GLI3: variants seen among roughly 807,000 people sequenced by gnomAD.
GLI3 encodes transcription activator GLI3.
A neutral mutation model predicts 100.8 loss-of-function variants in GLI3; 20 were observed. That is an observed-to-expected ratio of 0.20 (90% CI 0.14 to 0.29). The LOEUF (loss-of-function observed/expected upper bound fraction) is 0.29. Among genes scored for constraint, GLI3 ranks in the 10% least tolerant of loss-of-function variants. The probability of loss-of-function intolerance (pLI) is 1.00; values close to 1 mark genes in which losing one functional copy is unlikely to be tolerated. For missense variants in GLI3, 2,040 were observed against 2,128.5 expected, an observed-to-expected ratio of 0.96 and a Z score of 0.82; for synonymous variants, 938 against 860.5, an observed-to-expected ratio of 1.09 and a Z score of -1.58.
chr7:42,123,745 C>A (rs1269259510), intron 3 of GLI3, among the ~76,000 whole-genome samples: 1 of 152,122 alleles, frequency 6.6e-6, no homozygotes, highest in African/African-American at 2.4e-5. Context: ...TGTACAGGAT[C>A]TTTTTAAGAC....
chr7:41,972,283 C>G lies in GLI3; in HGVS notation c.2103+54G>C. 9 of 1,541,878 alleles carry G rather than the reference C, an allele frequency of 5.8e-6. No homozygotes were observed. Among genetic ancestry groups the G allele is most frequent in the Non-Finnish European group, 8.1e-6 (9 of 1,115,558 alleles). On this transcript the variant is annotated intron_variant, in intron 13 of 14. Transcript: ENST00000395925. This position sits in a 1 kb window ranked among gnomAD's most constrained non-coding sequence, Gnocchi z 4.4. ...AGTCCTGTCCCTCTATGCACCCTAC[C>G]TGGCTCTTTTAAATGGGCCTGCTGT...
At chr7:42,045,936 T>A (rs1784235954) in intron 5 of GLI3, among the ~76,000 whole-genome samples, 1 of 152,246 alleles carries the variant, frequency 6.6e-6, no homozygotes, top group South Asian at 2.1e-4. Flanking sequence ...ATACTTAAAA[T>A]ACTTTTCTAA....
intron 10 of GLI3, among the ~76,000 whole-genome samples, chr7:41,989,715 A>T (rs1787929736): frequency 6.6e-6 from 1 of 152,120 alleles, no homozygotes. Context: ...TAGCAATTTT[A>T]CTATTCAACC....
rs78670281 is a variant in GLI3 at position 42,229,327 on chromosome 7, G to T, written c.-42-6032C>A. Among the ~76,000 whole-genome samples, 855 of 152,244 alleles carry T rather than the reference G, an allele frequency of 5.6e-3. 21 individuals are homozygous for T. The highest frequency in any genetic ancestry group is 0.047 in the East Asian group (242 of 5,176). On this transcript the variant is annotated intron_variant, in intron 1 of 14. Coordinates refer to ENST00000395925, the MANE Select transcript of GLI3 (RefSeq NM_000168.6). ...ATGATAACCCGATCTGTTTCTGATA[G>T]GTTAAAACAGCTACTGGCAATAAGA...
chr7:42,152,671 G>A (rs948289507), intron 2 of GLI3, among the ~76,000 whole-genome samples: 1 of 152,142 alleles, frequency 6.6e-6, no homozygotes, highest in South Asian at 2.1e-4. Flanking sequence ...CTGAGAGAAG[G>A]AGGGTTTATT....
At chr7:42,189,923 A>G (rs1184569972) in intron 2 of GLI3, among the ~76,000 whole-genome samples, 1 of 151,886 alleles carries the variant, frequency 6.6e-6, no homozygotes, top group African/African-American at 2.4e-5. Flanking sequence ...GATATATCCT[A>G]TAATGAACAT....
chr7:41,965,164 C>T lies in GLI3; in HGVS notation c.3909G>A (p.Glu1303=). 6.2e-7 allele frequency: 1 copy of T among 1,613,978 alleles called. No homozygotes were observed. The highest frequency in any genetic ancestry group is 8.5e-7 in the Non-Finnish European group (1 of 1,180,042). The part of the protein sequence containing the change: ...LNFGLPVAPN[E]SAGSMVNGMQ... ...TGCCATTCACCATGCTGCCAGCTGA[C>T]TCATTTGGCGCTACCGGCAGGCCGA... The change falls in exon 15 of 15, where the codon GAG becomes GAA. Residue 1303 remains glutamate, a synonymous_variant. Transcript: ENST00000395925.
chr7:42,038,372 A>C (rs1784063753), intron 7 of GLI3, among the ~76,000 whole-genome samples: 1 of 151,222 alleles, frequency 6.6e-6, no homozygotes. Context: ...TCATCCTGCC[A>C]TTGCAGATCC....
At chr7:41,979,889 G>A (rs531316219) in intron 10 of GLI3, among the ~76,000 whole-genome samples, 2 of 152,260 alleles carry the variant, frequency 1.3e-5, no homozygotes, top group Non-Finnish European at 2.9e-5. Flanking sequence ...TGAGTCCAGG[G>A]CTCCTAAAGC....
At chr7:42,162,029 TA>T (rs756937555) in intron 2 of GLI3, among the ~76,000 whole-genome samples, 7 of 152,074 alleles carry the variant, frequency 4.6e-5, no homozygotes, top group Non-Finnish European at 7.4e-5. Context: ...CTAAGGGGAG[TA>T]AAAACAGAAT....
chr7:42,126,059 G>C (rs1169124514), intron 3 of GLI3, among the ~76,000 whole-genome samples: 1 of 149,778 alleles, frequency 6.7e-6, no homozygotes. Context: ...AAAAAAATGA[G>C]AGAGAAAAAT....
At chr7:42,021,847 C>T (rs1329409588) in intron 10 of GLI3, among the ~76,000 whole-genome samples, 1 of 152,166 alleles carries the variant, frequency 6.6e-6, no homozygotes, top group Non-Finnish European at 1.5e-5. Flanking sequence ...GTTGGTCATT[C>T]GTTATATCAC....
chr7:42,032,911 C>T (rs1045839813), intron 7 of GLI3, among the ~76,000 whole-genome samples: 6 of 152,188 alleles, frequency 3.9e-5, no homozygotes, highest in African/African-American at 1.4e-4. Context: ...CCTAACATAA[C>T]AGCTTTTCCT....
Position 42,076,840 on chromosome 7 carries a change from G to T in GLI3, c.385C>A (p.Pro129Thr). The T allele has an allele frequency of 6.2e-7, 1 of 1,610,850 alleles. No homozygotes were observed. The highest frequency in any genetic ancestry group is 8.5e-7 in the Non-Finnish European group (1 of 1,177,076). The change falls in exon 4 of 15, where the codon CCT becomes ACT. Residue 129 changes from proline (P) to threonine (T), a missense_variant. By Grantham distance (38) the Pro-to-Thr change is conservative. Transcript: ENST00000395925. ...EPHYHPPHLFPAFHPPVPIDA... is the reference protein window; with the variant it reads ...EPHYHPPHLFTAFHPPVPIDA... The stretch of plus-strand genomic sequence containing the variant: ...ATTGGTACAGGAGGATGGAAGGCAG[G>T]GAAAAGATGAGGAGGGTCTGAAAAG...
intron 13 of GLI3, among the ~76,000 whole-genome samples, chr7:41,968,713 G>GAAAGA (rs1554305425): frequency 7.4e-5 from 7 of 93,992 alleles, no homozygotes; most frequent in Middle Eastern, 4.6e-3. Context: ...AAGAAAGAAA[G>GAAAGA]AAGAAAGAAA....
intron 3 of GLI3, among the ~76,000 whole-genome samples, chr7:42,132,718 C>T (rs1248763066): frequency 6.6e-6 from 1 of 152,290 alleles, no homozygotes; most frequent in East Asian, 1.9e-4. Context: ...AGGCTTACAG[C>T]CTCACAATTG....
intron 10 of GLI3, among the ~76,000 whole-genome samples, chr7:41,984,370 T>A (rs192981951): frequency 6.6e-6 from 1 of 152,292 alleles, no homozygotes; most frequent in Admixed American, 6.5e-5. Context: ...ACGCAGCTCA[T>A]GAGGCTGGGA....
intron 6 of GLI3, 28 bp downstream of exon 6, chr7:42,045,356 G>A (rs2128741157): frequency 1.2e-6 from 2 of 1,606,384 alleles, no homozygotes; most frequent in East Asian, 4.5e-5. Flanking sequence ...CATTTCCCAA[G>A]ACTCTAGAAA....
intron 1 of GLI3, among the ~76,000 whole-genome samples, chr7:42,226,003 CCA>C (rs1309297649): frequency 2.0e-5 from 3 of 152,176 alleles, no homozygotes; most frequent in Non-Finnish European, 4.4e-5. Flanking sequence ...ATTTCAATCA[CCA>C]CTGGTTTAGC....
Sources: allele counts gnomAD v4.1 joint callset (sites outside exome capture counted in the v4.1 genomes callset), GRCh38; gene constraint gnomAD v4.1.1; non-coding constraint Gnocchi (gnomAD v3.1); transcripts MANE v1.5; gene names NCBI Gene and HGNC (gene_info 2026-07-23, HGNC 2026-07-21).